HTR2C: variants seen among roughly 807,000 people sequenced by gnomAD.
HTR2C encodes 5-hydroxytryptamine (serotonin) receptor 2C, G protein-coupled.
HTR2C carries 5 observed loss-of-function variants against 21.0 expected under a neutral mutation model. The observed-to-expected ratio is 0.24, with a 90% CI of 0.12 to 0.50. The LOEUF is 0.50. HTR2C is among the 20% of genes least tolerant of loss of function. The probability of loss-of-function intolerance (pLI) is 0.98; values close to 1 mark genes in which losing one functional copy is unlikely to be tolerated. For synonymous variants in HTR2C, 150 were observed against 145.3 expected (o/e 1.03, Z -0.23); for missense variants, 271 against 371.2 (o/e 0.73, Z 2.22).
At chrX:114,860,199 A>G (rs1241496409) in intron 5 of HTR2C, among the ~76,000 whole-genome samples, 1 of 111,716 alleles carries the variant, frequency 9.0e-6, no homozygotes, top group Non-Finnish European at 1.9e-5. Flanking sequence ...TAGTTACTGC[A>G]AGAGTTGTGT....
chrX:114,720,463 A>T (rs1381329966), intron 2 of HTR2C, among the ~76,000 whole-genome samples: 1 of 110,092 alleles, frequency 9.1e-6, no homozygotes, highest in Non-Finnish European at 1.9e-5. Flanking sequence ...AGGAGCTAGA[A>T]GCACACTAAA....
intron 4 of HTR2C, among the ~76,000 whole-genome samples, chrX:114,780,771 C>T (rs2070109038): frequency 9.0e-6 from 1 of 111,704 alleles, no homozygotes; most frequent in African/African-American, 3.3e-5. Context: ...TGAAAAGCAA[C>T]CCCATTCTAA....
At position 114,616,968 on chromosome X, in the gene HTR2C, T is replaced by G. The variant is rs1227614604; in HGVS notation, c.-80+3087T>G. Among the ~76,000 whole-genome samples, 5 of 112,618 alleles carry G rather than the reference T, an allele frequency of 4.4e-5. No homozygotes were observed. In the Admixed American group the frequency reaches 4.7e-4, roughly 11 times the overall value. On this transcript the variant is annotated intron_variant, in intron 2 of 5. Coordinates refer to ENST00000276198, the MANE Select transcript of HTR2C (RefSeq NM_000868.4). Reference sequence around the variant, plus strand: ...AAAACATGATTTATAATCGTCACTCTCTTGACACTTATATTAACAATTTAG... The same window carrying G: ...AAAACATGATTTATAATCGTCACTCGCTTGACACTTATATTAACAATTTAG...
intron 2 of HTR2C, among the ~76,000 whole-genome samples, chrX:114,644,097 C>G (rs1250939377): frequency 9.2e-6 from 1 of 108,547 alleles, no homozygotes; most frequent in Middle Eastern, 4.4e-3. Context: ...AATCCCAGCT[C>G]TTTGGGAGGC....
At chrX:114,889,368 T>TAC (rs2071243008) in intron 5 of HTR2C, among the ~76,000 whole-genome samples, 1 of 111,655 alleles carries the variant, frequency 9.0e-6, no homozygotes, top group Non-Finnish European at 1.9e-5. Context: ...TGCCATGGGC[T>TAC]TCCCTTACTT....
At chrX:114,588,995 AG>A (rs1375548729) in intron 1 of HTR2C, among the ~76,000 whole-genome samples, 1 of 112,144 alleles carries the variant, frequency 8.9e-6, no homozygotes, top group Non-Finnish European at 1.9e-5. Context: ...GCATACAAAG[AG>A]GTTAATCTGT....
At chrX:114,800,128 A>G (rs2070331841) in intron 4 of HTR2C, among the ~76,000 whole-genome samples, 1 of 110,459 alleles carries the variant, frequency 9.1e-6, no homozygotes, top group African/African-American at 3.3e-5. Context: ...GGAATTAATG[A>G]AAATGTAAGA....
chrX:114,854,572 A>C, intron 5 of HTR2C, among the ~76,000 whole-genome samples: 1 of 111,210 alleles, frequency 9.0e-6, no homozygotes, highest in East Asian at 2.8e-4. Flanking sequence ...TACAAAAATT[A>C]ACACAAAATG....
intron 4 of HTR2C, among the ~76,000 whole-genome samples, chrX:114,783,295 C>A (rs1410666096): frequency 9.0e-6 from 1 of 111,537 alleles, no homozygotes; most frequent in Non-Finnish European, 1.9e-5. Flanking sequence ...GCAAAATACA[C>A]CATATAATTA....
intron 3 of HTR2C, among the ~76,000 whole-genome samples, chrX:114,729,821 T>C (rs1602727328): frequency 9.0e-6 from 1 of 111,190 alleles, no homozygotes; most frequent in African/African-American, 3.3e-5. Flanking sequence ...GGAGAACACA[T>C]AGACTCTGAA....
chrX:114,862,548 G>A (rs2071014294), intron 5 of HTR2C, among the ~76,000 whole-genome samples: 2 of 110,678 alleles, frequency 1.8e-5, no homozygotes, highest in Non-Finnish European at 3.8e-5. Flanking sequence ...GGGTTGTGTT[G>A]AATCTCTATA....
chrX:114,678,707 A>G (rs937248831), intron 2 of HTR2C, among the ~76,000 whole-genome samples: 1 of 111,851 alleles, frequency 8.9e-6, no homozygotes, highest in Admixed American at 9.6e-5. Flanking sequence ...TTTTAAGGAC[A>G]TTATACATTT....
chrX:114,632,980 T>A (rs1398325831), intron 2 of HTR2C, among the ~76,000 whole-genome samples: 2 of 111,134 alleles, frequency 1.8e-5, no homozygotes, highest in Non-Finnish European at 3.8e-5. Flanking sequence ...TATATCTTCA[T>A]CCCTTACCCA....
intron 4 of HTR2C, among the ~76,000 whole-genome samples, chrX:114,805,033 T>C (rs1386012759): frequency 3.6e-5 from 4 of 111,192 alleles, no homozygotes; most frequent in Middle Eastern, 4.2e-3. Flanking sequence ...AATATAAAAG[T>C]TGAGAGTTAG....
chrX:114,741,306 G>A (rs1447679642), intron 4 of HTR2C, among the ~76,000 whole-genome samples: 4 of 107,013 alleles, frequency 3.7e-5, no homozygotes, highest in Admixed American at 1.0e-4. Context: ...AGATCACGAG[G>A]TCAGGAGATA....
At position 114,651,212 on chromosome X, in the gene HTR2C, G is replaced by C. The variant is rs781970046; in HGVS notation, c.-80+37331G>C. Among the ~76,000 whole-genome samples the C allele has an allele frequency of 4.5e-5, 5 of 111,569 alleles. No individual in the cohort carries two copies. In the East Asian group the frequency reaches 1.4e-3, roughly 31 times the overall value. The stretch of plus-strand genomic sequence containing the variant: ...TTTCCATGACACTACTTTTGGTTTA[G>C]TCTTCAAAGCAAATAATTTAATTTG... On this transcript the variant is annotated intron_variant, in intron 2 of 5. Coordinates refer to ENST00000276198, the MANE Select transcript of HTR2C (RefSeq NM_000868.4).
At chrX:114,653,476 T>G (rs1230519500) in intron 2 of HTR2C, among the ~76,000 whole-genome samples, 1 of 110,486 alleles carries the variant, frequency 9.1e-6, no homozygotes, top group Non-Finnish European at 1.9e-5. Flanking sequence ...AAAAGCAAAC[T>G]GATTGTCCCA....
At chrX:114,700,996 G>A (rs1050768451) in intron 2 of HTR2C, among the ~76,000 whole-genome samples, 17 of 112,314 alleles carry the variant, frequency 1.5e-4, no homozygotes, top group Admixed American at 1.2e-3. Flanking sequence ...AGGTGGCAGC[G>A]AGGCTGGGGG....
At chrX:114,753,725 C>T (rs372985683) in intron 4 of HTR2C, among the ~76,000 whole-genome samples, 78 of 111,621 alleles carry the variant, frequency 7.0e-4, no homozygotes, top group African/African-American at 2.4e-3. Context: ...AAAATATGTG[C>T]GGAATTTATA....
Sources: allele counts gnomAD v4.1 joint callset (sites outside exome capture counted in the v4.1 genomes callset), GRCh38; gene constraint gnomAD v4.1.1; transcripts MANE v1.5; gene names NCBI Gene and HGNC (gene_info 2026-07-23, HGNC 2026-07-21).